The following HIVEP3 variants were observed in gnomAD, a reference collection of about 807,000 sequenced individuals.
HIVEP3 encodes HIVEP zinc finger 3, also known as transcription factor HIVEP3.
A neutral mutation model predicts 152.8 loss-of-function variants in HIVEP3; 49 were observed. The ratio of observed to expected loss-of-function variants is 0.32; its 90% confidence interval spans 0.26 to 0.41. The LOEUF (loss-of-function observed/expected upper bound fraction) is 0.41, where lower values mean the gene tolerates loss of function less well. Ranked by LOEUF, HIVEP3 falls within the 10% of genes least tolerant of loss-of-function variation. The pLI is 1.00. For missense variants in HIVEP3, 2,790 were observed against 3,103.3 expected, an observed-to-expected ratio of 0.90 and a Z score of 2.40; for synonymous variants, 1,269 against 1,289.0, an observed-to-expected ratio of 0.98 and a Z score of 0.33.
At chr1:41,949,073 T>C (rs1300328021) in intron 1 of HIVEP3, among the ~76,000 whole-genome samples, 1 of 152,268 alleles carries the variant, frequency 6.6e-6, no homozygotes, top group East Asian at 1.9e-4. Flanking sequence ...ATCAGGTGGG[T>C]AACTCCTCCC....
intron 3 of HIVEP3, among the ~76,000 whole-genome samples, chr1:41,628,397 G>A (rs75344287): frequency 0.012 from 1,754 of 152,300 alleles, 36 homozygotes; most frequent in African/African-American, 0.041. Flanking sequence ...CACACAGTTG[G>A]ACTGGCTTGT....
chr1:41,970,641 C>T (rs747276618), intron 1 of HIVEP3, among the ~76,000 whole-genome samples: 1 of 152,164 alleles, frequency 6.6e-6, no homozygotes, highest in Admixed American at 6.5e-5. Context: ...CCATGGTACA[C>T]ATTTACCTAT....
intron 1 of HIVEP3, among the ~76,000 whole-genome samples, chr1:41,935,720 TTATA>T (rs1168488607): frequency 2.7e-5 from 4 of 147,684 alleles, no homozygotes; most frequent in African/African-American, 9.8e-5. Context: ...CTTCTTGAAA[TTATA>T]TATATATTTA....
At chr1:41,904,030 G>A (rs1644670483) in intron 1 of HIVEP3, among the ~76,000 whole-genome samples, 1 of 151,760 alleles carries the variant, frequency 6.6e-6, no homozygotes, top group Non-Finnish European at 1.5e-5. Context: ...CTGAGTAGCT[G>A]GGATTACAGG....
At chr1:41,600,546 A>C (rs778745831) in intron 3 of HIVEP3, among the ~76,000 whole-genome samples, 1 of 152,194 alleles carries the variant, frequency 6.6e-6, no homozygotes, top group South Asian at 2.1e-4. Context: ...TGGTTGCCAG[A>C]GGCTGTGGGA....
chr1:41,605,226 GAAAGA>G (rs1465493397), intron 3 of HIVEP3, among the ~76,000 whole-genome samples: 3 of 151,008 alleles, frequency 2.0e-5, no homozygotes, highest in Admixed American at 6.6e-5. Flanking sequence ...AAGGAAGGAA[GAAAGA>G]AAAGAAATCA....
intron 7 of HIVEP3, among the ~76,000 whole-genome samples, chr1:41,515,609 G>T (rs1642579597): frequency 6.6e-6 from 1 of 152,342 alleles, no homozygotes; most frequent in East Asian, 1.9e-4. Context: ...GGCTGAGTCA[G>T]AACTAAGGTT....
At chr1:41,635,378 A>T (rs1023864456) in intron 2 of HIVEP3, among the ~76,000 whole-genome samples, 2 of 152,000 alleles carry the variant, frequency 1.3e-5, no homozygotes, top group Non-Finnish European at 2.9e-5. Flanking sequence ...TAAGCACATA[A>T]CCCAAGAAAC....
At chr1:41,908,420 C>T (rs1570787060) in intron 1 of HIVEP3, among the ~76,000 whole-genome samples, 1 of 152,184 alleles carries the variant, frequency 6.6e-6, no homozygotes, top group South Asian at 2.1e-4. Context: ...AACCCACTAG[C>T]ACCAACTTGT....
chr1:41,559,165 C>T (rs1410848051), intron 5 of HIVEP3, among the ~76,000 whole-genome samples: 4 of 152,150 alleles, frequency 2.6e-5, no homozygotes, highest in Admixed American at 6.5e-5. Flanking sequence ...CACCACCTCT[C>T]CTGGCCTCAG....
At chr1:41,770,365 G>A (rs1041004293) in intron 1 of HIVEP3, among the ~76,000 whole-genome samples, 9 of 152,090 alleles carry the variant, frequency 5.9e-5, no homozygotes, top group African/African-American at 1.9e-4. Context: ...ACACGTGTCC[G>A]AAAATGATTT....
chr1:41,703,437 G>A (rs1423087802), intron 1 of HIVEP3, among the ~76,000 whole-genome samples: 2 of 152,180 alleles, frequency 1.3e-5, no homozygotes, highest in Non-Finnish European at 1.5e-5. Context: ...GCATGCGTCC[G>A]AATCCTGATT....
Position 41,584,923 on chromosome 1 carries a change from C to A in HIVEP3, c.-126G>T. On this transcript the variant is annotated 5_prime_UTR_variant, in exon 4 of 9. Transcript: ENST00000372583. The surrounding 1 kb of genome is among the most constrained non-coding windows in gnomAD (Gnocchi z 5.2). ...TTGGTCAAGAGCTGTGGGAGCCAAA[C>A]CCAAGACGGCTTTGGGAGTTTTTTG... 1 of 892,694 alleles carries A rather than the reference C, an allele frequency of 1.1e-6. No individual in the cohort carries two copies. Among genetic ancestry groups the A allele is most frequent in the Admixed American group, 2.9e-5 (1 of 34,456 alleles). 55.3% of individuals were successfully genotyped at this position (892,694 alleles called of 1,614,324 possible).
intron 1 of HIVEP3, among the ~76,000 whole-genome samples, chr1:41,715,538 T>C (rs1358172273): frequency 6.6e-6 from 1 of 152,124 alleles, no homozygotes; most frequent in Non-Finnish European, 1.5e-5. Context: ...AAGAACTGGG[T>C]GGCAAAAAGA....
At chr1:41,735,598 C>T (rs527370346) in intron 1 of HIVEP3, among the ~76,000 whole-genome samples, 1 of 152,262 alleles carries the variant, frequency 6.6e-6, no homozygotes, top group South Asian at 2.1e-4. Context: ...CAACTTTCTA[C>T]CACTCTGCCT....
chr1:41,635,364 G>T (rs551949786), intron 2 of HIVEP3, among the ~76,000 whole-genome samples: 12 of 151,854 alleles, frequency 7.9e-5, no homozygotes, highest in African/African-American at 2.9e-4. Flanking sequence ...GAAACTAAAT[G>T]AGTTAAGCAC....
chr1:41,866,082 G>A (rs116731842), intron 1 of HIVEP3, among the ~76,000 whole-genome samples: 43 of 152,294 alleles, frequency 2.8e-4, no homozygotes, highest in African/African-American at 8.2e-4. Context: ...CTATCCAGCC[G>A]AGGCCAGCTT....
chr1:42,029,038 C>G (rs935356747), intron 1 of HIVEP3, among the ~76,000 whole-genome samples: 1 of 152,132 alleles, frequency 6.6e-6, no homozygotes, highest in Admixed American at 6.5e-5. Context: ...TAATTTTTTA[C>G]AAGAAAAAAC....
chr1:41,741,363 C>T (rs976417091), intron 1 of HIVEP3, among the ~76,000 whole-genome samples: 1 of 152,220 alleles, frequency 6.6e-6, no homozygotes, highest in Non-Finnish European at 1.5e-5. Flanking sequence ...ATTCTCCTAG[C>T]AGGGCCGGGG....
Sources: allele counts gnomAD v4.1 joint callset (sites outside exome capture counted in the v4.1 genomes callset), GRCh38; gene constraint gnomAD v4.1.1; non-coding constraint Gnocchi (gnomAD v3.1); transcripts MANE v1.5; gene names NCBI Gene and HGNC (gene_info 2026-07-23, HGNC 2026-07-21).